FRG1: variants seen among roughly 807,000 people sequenced by gnomAD.
FRG1 encodes the protein protein FRG1.
A neutral mutation model predicts 37.0 loss-of-function variants in FRG1; 19 were observed. That is an observed-to-expected ratio of 0.51 (90% confidence interval 0.36 to 0.75). The LOEUF is 0.75. FRG1 is among the 30% of genes least tolerant of loss of function. FRG1 has a pLI of 0.00. For missense variants in FRG1, 243 were observed against 301.4 expected, an observed-to-expected ratio of 0.81 and a Z score of 1.44; for synonymous variants, 73 against 96.5, an observed-to-expected ratio of 0.76 and a Z score of 1.43.
intron 2 of FRG1, among the ~76,000 whole-genome samples, chr4:189,949,700 A>AAC (rs1432038655): frequency 6.6e-6 from 1 of 152,198 alleles, no homozygotes; most frequent in African/African-American, 2.4e-5. Context: ...TGCTAATCAT[A>AAC]ACACTGTTGA....
intron 8 of FRG1, 48 bp downstream of exon 8, chr4:189,961,980 A>G (rs1170756716): frequency 1.0e-6 from 1 of 962,982 alleles, no homozygotes; most frequent in Non-Finnish European, 1.6e-6. Context: ...GCCAATAGAA[A>G]TGGCATGTAG....
At chr4:189,959,024 G>T (rs1737111404) in intron 6 of FRG1, among the ~76,000 whole-genome samples, 1 of 152,200 alleles carries the variant, frequency 6.6e-6, no homozygotes, top group Admixed American at 6.5e-5. Context: ...AAGAGAGGGG[G>T]CAAGTGCCTT....
At chr4:189,952,351 C>T in intron 3 of FRG1, 64 bp downstream of exon 3, 17 of 1,463,526 alleles carry the variant, frequency 1.2e-5, no homozygotes, top group Non-Finnish European at 1.4e-5. Flanking sequence ...TTCACTTAGG[C>T]CAAACTCTAA....
intron 4 of FRG1, among the ~76,000 whole-genome samples, chr4:189,954,404 AAAAAG>A (rs1736891265): frequency 6.6e-6 from 1 of 152,094 alleles, no homozygotes; most frequent in Non-Finnish European, 1.5e-5. Context: ...ATAATAAGAG[AAAAAG>A]TAAGTTTTAG....
Position 189,952,248 on chromosome 4 carries a change from G to C in FRG1, c.220G>C (p.Asp74His). The C allele has an allele frequency of 1.9e-6, 3 of 1,610,654 alleles. No homozygotes were observed. The highest frequency in any genetic ancestry group is 2.5e-6 in the Non-Finnish European group (3 of 1,178,948). Reference protein sequence around the residue: ...MDKGTYIHALDNGLFTLGAPH... With the variant: ...MDKGTYIHALHNGLFTLGAPH... ...TAAGGGAACCTATATACATGCACTC[G>C]ACAATGGTCTTTTTACCCTGGGAGC... The change falls in exon 3 of 9, where the codon GAC becomes CAC. Residue 74 changes from aspartate to histidine, a missense_variant. Physicochemically the swap from Asp to His is moderately conservative, Grantham distance 81 (BLOSUM62 -1). Around this residue, in one of 2 missense-constraint regions of FRG1, gnomAD observed 110 missense variants for 102.2 expected, o/e 1.08. Coordinates refer to ENST00000226798, the MANE Select transcript of FRG1 (RefSeq NM_004477.3).
At chr4:189,963,016 C>A in intron 8 of FRG1, 77 bp from the exon 9 acceptor site, 1 of 942,728 alleles carries the variant, frequency 1.1e-6, no homozygotes, top group African/African-American at 1.7e-5. Flanking sequence ...AGTTTTAAAG[C>A]TTTTTATATT....
At chr4:189,945,180 G>T (rs1736473380) in intron 2 of FRG1, among the ~76,000 whole-genome samples, 1 of 152,188 alleles carries the variant, frequency 6.6e-6, no homozygotes, top group Non-Finnish European at 1.5e-5. Context: ...AGAAAACTAA[G>T]AAATTTGCAA....
intron 2 of FRG1, among the ~76,000 whole-genome samples, chr4:189,943,647 T>G (rs1374653724): frequency 6.6e-6 from 1 of 152,234 alleles, no homozygotes. Flanking sequence ...TTAAAGGAAG[T>G]ATCTTCACAG....
At position 189,944,246 on chromosome 4, in the gene FRG1, G is replaced by A. The variant is rs528141504; in HGVS notation, c.133+974G>A. On this transcript the variant is annotated intron_variant, in intron 2 of 8. Coordinates refer to ENST00000226798, the MANE Select transcript of FRG1 (RefSeq NM_004477.3). ...AGCTGGAATGCAGTGATGCGATCTC[G>A]GTTCACTGCAAGCTCCACCTCCCGG... Among the ~76,000 whole-genome samples, 107 of 152,126 alleles carry A rather than the reference G, an allele frequency of 7.0e-4. No homozygotes were observed. The South Asian group carries it at 0.021, about 30-fold the overall frequency.
chr4:189,953,019 T>C lies in FRG1; in HGVS notation c.260-49T>C, dbSNP rs754742374. On this transcript the variant is annotated intron_variant, in intron 3 of 8. Coordinates refer to ENST00000226798, the MANE Select transcript of FRG1 (RefSeq NM_004477.3). ...TTTTTAAAACAAAATAATGTCTTTATATTTATAGCAAATGTCAAATTTATT... is the reference window on the plus strand; with the variant it reads ...TTTTTAAAACAAAATAATGTCTTTACATTTATAGCAAATGTCAAATTTATT... 36 of 1,526,236 alleles carry C rather than the reference T, an allele frequency of 2.4e-5. No homozygotes were observed. The African/African-American group carries it at 4.9e-4, about 21-fold the overall frequency. 94.5% of individuals were successfully genotyped at this position (1,526,236 alleles called of 1,614,324 possible).
chr4:189,944,071 G>C (rs77583577), intron 2 of FRG1, among the ~76,000 whole-genome samples: 1 of 152,178 alleles, frequency 6.6e-6, no homozygotes, highest in African/African-American at 2.4e-5. Flanking sequence ...CTCCTACCAA[G>C]AATGAATTAG....
At position 189,943,415 on chromosome 4, in the gene FRG1, T is replaced by A. The variant is rs1736402885; in HGVS notation, c.133+143T>A. The A allele has an allele frequency of 1.7e-5, 16 of 942,810 alleles. No individual in the cohort carries two copies. The South Asian group carries it at 3.2e-4, about 19-fold the overall frequency. 58.4% of individuals were successfully genotyped at this position (942,810 alleles called of 1,614,324 possible). ...ATATTACCTACAGTTATAAATTCCATTTATTCTTTAACACAGTAGATGCTA... is the reference window on the plus strand; with the variant it reads ...ATATTACCTACAGTTATAAATTCCAATTATTCTTTAACACAGTAGATGCTA... On this transcript the variant is annotated intron_variant, in intron 2 of 8. Transcript: ENST00000226798.
rs572942073 is a variant in FRG1 at position 189,951,364 on chromosome 4, G to A, written c.134-798G>A. 8.6e-5 allele frequency among the ~76,000 whole-genome samples: 13 copies of A among 151,946 alleles called. No individual in the cohort carries two copies. The South Asian group carries it at 1.9e-3, about 22-fold the overall frequency. Reference sequence around the variant, plus strand: ...AAATTATTCAGGCATGGTGATAGGCGCCTGTAACCCCAGCTACTCGGGAAG... The same window carrying A: ...AAATTATTCAGGCATGGTGATAGGCACCTGTAACCCCAGCTACTCGGGAAG... On this transcript the variant is annotated intron_variant, in intron 2 of 8. Transcript: ENST00000226798.
chr4:189,958,348 G>T (rs73876036), intron 6 of FRG1, among the ~76,000 whole-genome samples: 2 of 151,910 alleles, frequency 1.3e-5, no homozygotes, highest in African/African-American at 4.8e-5. Flanking sequence ...GGGTATATGC[G>T]TTTGTATTTA....
At chr4:189,955,855 G>A (rs111878271) in intron 5 of FRG1, among the ~76,000 whole-genome samples, 3 of 152,154 alleles carry the variant, frequency 2.0e-5, no homozygotes, top group African/African-American at 7.2e-5. Context: ...TGGGCACCAC[G>A]CAGAGCAAGC....
chr4:189,954,734 A>G (rs1435852187), intron 4 of FRG1, among the ~76,000 whole-genome samples: 1 of 151,800 alleles, frequency 6.6e-6, no homozygotes, highest in African/African-American at 2.4e-5. Flanking sequence ...AGCTGGTATC[A>G]CATGTGCATG....
At chr4:189,961,957 A>G (rs771176367) in intron 8 of FRG1, 25 bp downstream of exon 8, 1 of 1,243,086 alleles carries the variant, frequency 8.0e-7, no homozygotes, top group South Asian at 1.4e-5. Flanking sequence ...ACTTATTTCC[A>G]CTATTTTCAG....
intron 4 of FRG1, among the ~76,000 whole-genome samples, chr4:189,954,337 A>AT (rs1736887494): frequency 1.3e-5 from 2 of 152,134 alleles, no homozygotes; most frequent in African/African-American, 4.8e-5. Context: ...ATTTCTAGGA[A>AT]TTTTTTCTAA....
rs1737209993 is a variant in FRG1, at chr4:189,961,099, A to G, written c.629+260A>G. On this transcript the variant is annotated intron_variant, in intron 7 of 8. Transcript: ENST00000226798. Reference sequence around the variant, plus strand: ...AAACTGATGGACAAGAAGAGACGACACAATGTAGCCTCTAGGACAGAGCAC... The same window carrying G: ...AAACTGATGGACAAGAAGAGACGACGCAATGTAGCCTCTAGGACAGAGCAC... 3 of 381,164 alleles carry G rather than the reference A, an allele frequency of 7.9e-6. No individual in the cohort carries two copies. In the South Asian group the frequency reaches 9.2e-5, roughly 12 times the overall value. 23.6% of individuals were successfully genotyped at this position (381,164 alleles called of 1,614,324 possible). A position where few individuals can be genotyped will look rare whatever the true frequency, so the allele number is the denominator to read the frequency against.
Sources: gnomAD v4.1 joint callset for allele counts (sites outside exome capture counted in the v4.1 genomes callset) on GRCh38, gnomAD v4.1.1 for gene constraint, gnomAD v4.1.1 regional missense constraint, MANE v1.5 for transcripts, NCBI Gene and HGNC (gene_info 2026-07-23, HGNC 2026-07-21) for gene names.